Variants in SMAP1 observed in about 807,000 individuals in gnomAD.
SMAP1 encodes the protein small ArfGAP 1, also known as stromal membrane-associated protein 1.
SMAP1 carries 24 observed loss-of-function variants against 58.5 expected under a neutral mutation model. The ratio of observed to expected loss-of-function variants is 0.41; its 90% CI spans 0.30 to 0.58. SMAP1 has a LOEUF of 0.58. Among genes scored for constraint, SMAP1 ranks in the 20% least tolerant of loss-of-function variants. The pLI, the probability that SMAP1 is intolerant of heterozygous loss-of-function variation, is 0.29. For synonymous variants in SMAP1, 216 were observed against 196.6 expected (o/e 1.10, Z -0.82); for missense variants, 563 against 566.3 (o/e 0.99, Z 0.06).
chr6:70,751,653 C>G (rs924152858), intron 2 of SMAP1, among the ~76,000 whole-genome samples: 6 of 151,942 alleles, frequency 3.9e-5, no homozygotes, highest in African/African-American at 7.3e-5. Flanking sequence ...TTACTAAGAT[C>G]TTTGAATTTT....
Position 70,861,721 on chromosome 6 carries a change from T to TTCTC in SMAP1, c.*1389_*1392dup, listed in dbSNP as rs780202694. 9.9e-6 allele frequency: 16 copies of TTCTC among 1,614,024 alleles called. No individual in the cohort carries two copies. The highest frequency in any genetic ancestry group is 1.3e-5 in the Non-Finnish European group (15 of 1,180,000). ...CTTTGGCTCGTTGGCTAGATTAACC[T>TTCTC]TCTCTGTCCGAGTGTGCCACACGAG... is the stretch of plus-strand genomic sequence containing the variant. On this transcript the variant is annotated 3_prime_UTR_variant, in exon 11 of 11. Coordinates refer to ENST00000370455, the MANE Select transcript of SMAP1 (RefSeq NM_001044305.3).
At chr6:70,741,396 C>T (rs968849771) in intron 2 of SMAP1, among the ~76,000 whole-genome samples, 1 of 152,158 alleles carries the variant, frequency 6.6e-6, no homozygotes, top group Non-Finnish European at 1.5e-5. Context: ...GTCGGAAATC[C>T]AGCAGGTCAG....
intron 3 of SMAP1, among the ~76,000 whole-genome samples, chr6:70,768,183 T>C (rs1429920008): frequency 6.6e-6 from 1 of 152,252 alleles, no homozygotes; most frequent in East Asian, 1.9e-4. Flanking sequence ...TGCATCAATG[T>C]TCATCAAGGA....
At chr6:70,671,266 G>A (rs573208179) in intron 1 of SMAP1, among the ~76,000 whole-genome samples, 2 of 152,120 alleles carry the variant, frequency 1.3e-5, no homozygotes, top group East Asian at 3.9e-4. Flanking sequence ...CCTGAACTTG[G>A]CTGAGTAGGG....
At position 70,793,644 on chromosome 6, in the gene SMAP1, T is replaced by TAGAGAG. The variant is rs70990334; in HGVS notation, c.495+1899_495+1904dup. Among the ~76,000 whole-genome samples, 637 of 140,412 alleles carry TAGAGAG rather than the reference T, an allele frequency of 4.5e-3. 7 individuals are homozygous for TAGAGAG. The highest frequency in any genetic ancestry group is 0.014 in the African/African-American group (517 of 37,782). 92.1% of individuals were successfully genotyped at this position (140,412 alleles called of 152,430 possible). The stretch of plus-strand genomic sequence containing the variant: ...GGAAAGAAAAGGGGAGGAGAGTAGT[T>TAGAGAG]AGAGAGAGAGAGAGAGAGAGAGAGA... On this transcript the variant is annotated intron_variant, in intron 5 of 10. Coordinates refer to ENST00000370455, the MANE Select transcript of SMAP1 (RefSeq NM_001044305.3).
chr6:70,818,521 G>A (rs1336783983), intron 6 of SMAP1, among the ~76,000 whole-genome samples: 1 of 152,204 alleles, frequency 6.6e-6, no homozygotes, highest in East Asian at 1.9e-4. Flanking sequence ...TTTAGGAATT[G>A]GTATCCAGGA....
At chr6:70,859,267 C>A in intron 10 of SMAP1, 2 of 1,227,132 alleles carry the variant, frequency 1.6e-6, no homozygotes, top group Non-Finnish European at 2.3e-6. Flanking sequence ...CTGAAGCACA[C>A]CCAGCTCAGG....
chr6:70,817,585 T>C (rs530324562), intron 6 of SMAP1, among the ~76,000 whole-genome samples: 55 of 152,330 alleles, frequency 3.6e-4, no homozygotes, highest in African/African-American at 1.2e-3. Context: ...CCAGGACTTA[T>C]TGAGAGTGTT....
intron 7 of SMAP1, among the ~76,000 whole-genome samples, chr6:70,843,254 G>A (rs1770870196): frequency 6.6e-6 from 1 of 151,354 alleles, no homozygotes; most frequent in Admixed American, 6.6e-5. Context: ...TATAGAATTG[G>A]GACTCAAACC....
chr6:70,838,479 G>A (rs1216578581), intron 7 of SMAP1, among the ~76,000 whole-genome samples: 2 of 152,188 alleles, frequency 1.3e-5, no homozygotes, highest in East Asian at 3.8e-4. Context: ...AAATACTATA[G>A]ATGAAAGAAA....
rs1227535787 is a variant in SMAP1 at position 70,860,672 on chromosome 6, G to A, written c.*338G>A. On this transcript the variant is annotated 3_prime_UTR_variant, in exon 11 of 11. Transcript: ENST00000370455. ...TATAAGGGAAGTAGTTATCATGTTA[G>A]TAATACCTCTAATAGTATAAACCCC... 2.4e-6 allele frequency: 1 copy of A among 416,054 alleles called. No individual in the cohort carries two copies. The highest frequency in any genetic ancestry group is 4.2e-6 in the Non-Finnish European group (1 of 236,030). 25.8% of individuals were successfully genotyped at this position (416,054 alleles called of 1,614,324 possible).
intron 1 of SMAP1, among the ~76,000 whole-genome samples, chr6:70,730,867 T>G (rs1310356377): frequency 6.6e-6 from 1 of 152,232 alleles, no homozygotes; most frequent in Non-Finnish European, 1.5e-5. Context: ...TGGCGGGATC[T>G]CGACTCACTG....
intron 1 of SMAP1, among the ~76,000 whole-genome samples, chr6:70,726,874 G>GGGGTGT (rs1407481154): frequency 1.4e-5 from 2 of 144,808 alleles, no homozygotes; most frequent in Non-Finnish European, 3.0e-5. Context: ...AAATTTTAGG[G>GGGGTGT]GTGTGTGTGT....
intron 2 of SMAP1, among the ~76,000 whole-genome samples, chr6:70,749,024 C>G (rs1766163545): frequency 6.6e-6 from 1 of 152,034 alleles, no homozygotes; most frequent in African/African-American, 2.4e-5. Context: ...TTAGTGTGTT[C>G]TCACACTGCT....
chr6:70,812,933 T>A (rs1249253473), intron 6 of SMAP1, among the ~76,000 whole-genome samples: 1 of 152,154 alleles, frequency 6.6e-6, no homozygotes, highest in African/African-American at 2.4e-5. Context: ...TCTTTATCAC[T>A]GTGATAATTA....
chr6:70,763,793 T>G (rs961796429), intron 3 of SMAP1, among the ~76,000 whole-genome samples: 3 of 152,226 alleles, frequency 2.0e-5, no homozygotes, highest in African/African-American at 4.8e-5. Context: ...CAACATTTCC[T>G]TAAGCCAAAG....
At chr6:70,811,411 A>T (rs929315806) in intron 6 of SMAP1, among the ~76,000 whole-genome samples, 3 of 152,124 alleles carry the variant, frequency 2.0e-5, no homozygotes, top group Admixed American at 2.0e-4. Flanking sequence ...AGAATTGTTG[A>T]TTCAAAATCT....
intron 2 of SMAP1, among the ~76,000 whole-genome samples, chr6:70,736,294 T>C (rs914028418): frequency 6.6e-6 from 1 of 152,214 alleles, no homozygotes; most frequent in African/African-American, 2.4e-5. Context: ...CATGGTCAGA[T>C]TAATTGTGTT....
chr6:70,805,966 G>A (rs1582226247), intron 6 of SMAP1, among the ~76,000 whole-genome samples: 1 of 152,188 alleles, frequency 6.6e-6, no homozygotes, highest in East Asian at 1.9e-4. Flanking sequence ...GGGGGTCAGG[G>A]ACCCACTTGA....
Sources: allele counts gnomAD v4.1 joint callset (sites outside exome capture counted in the v4.1 genomes callset), GRCh38; gene constraint gnomAD v4.1.1; transcripts MANE v1.5; gene names NCBI Gene and HGNC (gene_info 2026-07-23, HGNC 2026-07-21).